Variants in OFD1 observed in about 807,000 individuals in gnomAD.
OFD1 encodes OFD1 centriole and centriolar satellite protein.
A neutral mutation model predicts 81.4 loss-of-function variants in OFD1; 12 were observed. The ratio of observed to expected loss-of-function variants is 0.15; its 90% CI spans 0.09 to 0.24. The LOEUF (loss-of-function observed/expected upper bound fraction) is 0.24, where lower values mean the gene tolerates loss of function less well. OFD1 is among the 10% of genes least tolerant of loss of function. The probability of loss-of-function intolerance (pLI) is 1.00; values close to 1 mark genes in which losing one functional copy is unlikely to be tolerated. For missense variants in OFD1, 685 were observed against 733.9 expected, an observed-to-expected ratio of 0.93 and a Z score of 0.77; for synonymous variants, 256 against 263.7, an observed-to-expected ratio of 0.97 and a Z score of 0.28.
rs182026712 is a variant in OFD1 at position 13,754,276 on chromosome X, C to T, written c.1129+835C>T. ...GATTACAGGCGTGAGCCACCACGCC[C>T]GACCCATTTCAATGTATTTCTAGGA... is the stretch of plus-strand genomic sequence containing the variant. On this transcript the variant is annotated intron_variant, in intron 11 of 22. Coordinates refer to ENST00000340096, the MANE Select transcript of OFD1 (RefSeq NM_003611.3). Among the ~76,000 whole-genome samples the T allele has an allele frequency of 3.3e-3, 370 of 111,186 alleles. 1 individual carries two copies. Among genetic ancestry groups the T allele is most frequent in the Non-Finnish European group, 4.5e-3 (240 of 52,937 alleles).
chrX:13,736,757 G>A, intron 3 of OFD1, 79 bp downstream of exon 3: 1 of 730,984 alleles, frequency 1.4e-6, no homozygotes, highest in Non-Finnish European at 2.2e-6. Context: ...CTGTATGATA[G>A]CTAAGTGCTC....
chrX:13,754,233 G>T (rs976871594), intron 11 of OFD1, among the ~76,000 whole-genome samples: 1 of 110,822 alleles, frequency 9.0e-6, no homozygotes, highest in Non-Finnish European at 1.9e-5. Context: ...CGCCCGCCTC[G>T]GCCTCCCAAA....
At chrX:13,741,055 G>A (rs1311772336) in intron 5 of OFD1, among the ~76,000 whole-genome samples, 4 of 110,493 alleles carry the variant, frequency 3.6e-5, no homozygotes, top group Non-Finnish European at 7.6e-5. Flanking sequence ...CAGGGGAATC[G>A]CTTGAACCCA....
intron 8 of OFD1, among the ~76,000 whole-genome samples, chrX:13,747,985 A>G (rs972217908): frequency 4.5e-5 from 5 of 111,623 alleles, no homozygotes; most frequent in Non-Finnish European, 9.4e-5. Context: ...TTACAGCACT[A>G]TTTCCAACAT....
downstream of OFD1, chrX:13,771,659 T>TCATAAAGA (rs1449592459): frequency 8.9e-6 from 1 of 112,079 alleles, no homozygotes; most frequent in Non-Finnish European, 1.9e-5. Context: ...ATGGATCATT[T>TCATAAAGA]CATAAAGAGC....
the OFD1 span, chrX:13,720,138 C>A: frequency 3.0e-6 from 1 of 328,061 alleles, no homozygotes. Flanking sequence ...AGCGAAGATA[C>A]GTAGCTTCTG....
At chrX:13,723,709 G>A in the OFD1 span, among the ~76,000 whole-genome samples, 5 of 110,854 alleles carry the variant, frequency 4.5e-5, no homozygotes, top group Non-Finnish European at 9.4e-5. Context: ...TAGCTACACA[G>A]AATTTGGGAA....
chrX:13,736,771 G>A lies in OFD1; in HGVS notation c.312+93G>A, dbSNP rs879191260. The A allele has an allele frequency of 3.5e-5, 22 of 626,726 alleles. No homozygotes were observed. The Admixed American group carries it at 4.6e-4, about 13-fold the overall frequency. 51.6% of individuals were successfully genotyped at this position (626,726 alleles called of 1,213,427 possible). The stretch of plus-strand genomic sequence containing the variant: ...GCTGTATGATAGCTAAGTGCTCCTC[G>A]ACTAGGTCCATTTCTGTTTCCTCTT... On this transcript the variant is annotated intron_variant, in intron 3 of 22. Transcript: ENST00000340096.
intron 14 of OFD1, 62 bp from the exon 15 acceptor site, chrX:13,758,275 C>G (rs930662580): frequency 2.4e-6 from 2 of 827,688 alleles, no homozygotes; most frequent in African/African-American, 4.1e-5. Flanking sequence ...AGAACTTTTC[C>G]TTTTGAAGCA....
rs757637785 is a variant in OFD1 at position 13,749,516 on chromosome X, A to G, written c.918A>G (p.Arg306=). ...LRGREAELKQ[R]VEAFELNQKL... ...GAAGAGAAGCAGAGCTGAAGCAAAG[A>G]GTTGAAGCTTTTGAATTGTAAGTAA... Residue 306 remains arginine, a synonymous_variant, in exon 9 of 23, where the codon AGA becomes AGG. Coordinates refer to ENST00000340096, the MANE Select transcript of OFD1 (RefSeq NM_003611.3). 3 of 1,172,370 alleles carry G rather than the reference A, an allele frequency of 2.6e-6. No homozygotes were observed. Among genetic ancestry groups the G allele is most frequent in the Non-Finnish European group, 1.2e-6 (1 of 860,709 alleles).
intron 5 of OFD1, among the ~76,000 whole-genome samples, chrX:13,741,481 G>A (rs914395156): frequency 1.8e-5 from 2 of 112,160 alleles, no homozygotes; most frequent in Non-Finnish European, 3.8e-5. Context: ...GGGGTGCTAA[G>A]CTGTTGAATG....
chrX:13,722,899 T>TA, the OFD1 span, among the ~76,000 whole-genome samples: 2 of 110,401 alleles, frequency 1.8e-5, no homozygotes, highest in Non-Finnish European at 3.8e-5. Context: ...CCATCTCTAC[T>TA]AAAAATACAA....
chrX:13,756,529 G>C, intron 12 of OFD1, 49 bp from the exon 13 acceptor site: 1 of 1,040,652 alleles, frequency 9.6e-7, no homozygotes, highest in Non-Finnish European at 1.3e-6. Flanking sequence ...TACTTTTGCA[G>C]TACTGTAAAG....
At position 13,754,432 on chromosome X, in the gene OFD1, T is replaced by TTTTTTTTA. The variant is rs1195398599; in HGVS notation, c.1130-719_1130-718insTTTTTTTA. ...TACTGTCTTTTTTTTTTTTTTTTTT[T>TTTTTTTTA]AAGAGACGGAGTCTTGCTCTGTTGC... On this transcript the variant is annotated intron_variant, in intron 11 of 22. Transcript: ENST00000340096. Among the ~76,000 whole-genome samples, 859 of 105,934 alleles carry TTTTTTTTA rather than the reference T, an allele frequency of 8.1e-3. 13 individuals carry two copies. Among genetic ancestry groups the TTTTTTTTA allele is most frequent in the African/African-American group, 0.028 (804 of 28,657 alleles). 92.0% of individuals were successfully genotyped at this position (105,934 alleles called of 115,157 possible). A position where few individuals can be genotyped will look rare whatever the true frequency, so the allele number is the denominator to read the frequency against.
At chrX:13,755,271 AT>A (rs769645746) in intron 12 of OFD1, 29 bp downstream of exon 12, 1 of 1,038,456 alleles carries the variant, frequency 9.6e-7, no homozygotes, top group Non-Finnish European at 1.4e-6. Flanking sequence ...GGTTTTTGAA[AT>A]AGATTTTAAG....
chrX:13,723,575 C>A, the OFD1 span, among the ~76,000 whole-genome samples: 1 of 111,865 alleles, frequency 8.9e-6, no homozygotes, highest in Non-Finnish European at 1.9e-5. Flanking sequence ...AAAGCAACTG[C>A]CATTACTGAA....
At chrX:13,739,097 T>A (rs1017195947) in intron 5 of OFD1, 65 bp downstream of exon 5, 5 of 984,022 alleles carry the variant, frequency 5.1e-6, no homozygotes, top group Admixed American at 5.0e-5. Flanking sequence ...TCTAAAAGAA[T>A]GAAGCAAATT....
intron 12 of OFD1, among the ~76,000 whole-genome samples, chrX:13,755,479 CT>C (rs2047665994): frequency 9.0e-6 from 1 of 111,581 alleles, no homozygotes; most frequent in Non-Finnish European, 1.9e-5. Context: ...GTGTCTCTAA[CT>C]GCTTGTGTGT....
chrX:13,750,352 A>G (rs1486623799), intron 9 of OFD1, among the ~76,000 whole-genome samples: 1 of 111,573 alleles, frequency 9.0e-6, no homozygotes, highest in African/African-American at 3.3e-5. Flanking sequence ...AACTAAATAA[A>G]TGTAGTTTAC....
Sources: allele counts gnomAD v4.1 joint callset (sites outside exome capture counted in the v4.1 genomes callset), GRCh38; gene constraint gnomAD v4.1.1; transcripts MANE v1.5; gene names NCBI Gene and HGNC (gene_info 2026-07-23, HGNC 2026-07-21).